The following NECTIN4 variants were observed in gnomAD, a reference collection of about 807,000 sequenced individuals.
NECTIN4 encodes nectin cell adhesion molecule 4, also known as nectin-4.
Under a neutral mutation model 51.7 loss-of-function variants are expected in NECTIN4, and 19 were observed. The observed-to-expected ratio is 0.37, with a 90% CI of 0.26 to 0.54. NECTIN4 has a LOEUF of 0.54. Among genes scored for constraint, NECTIN4 ranks in the 20% least tolerant of loss-of-function variants. The pLI is 0.86. For synonymous variants in NECTIN4, 283 were observed against 286.9 expected (o/e 0.99, Z 0.14); for missense variants, 619 against 662.4 (o/e 0.93, Z 0.72).
chr1:161,079,507 GC>G, intron 2 of NECTIN4, 82 bp downstream of exon 2: 1 of 1,547,044 alleles, frequency 6.5e-7, no homozygotes. Context: ...TTCTACCTCT[GC>G]CCCATCCATC....
intron 3 of NECTIN4, 35 bp downstream of exon 3, chr1:161,077,418 C>G: frequency 1.2e-6 from 2 of 1,613,388 alleles, no homozygotes; most frequent in Non-Finnish European, 1.7e-6. Context: ...CTGAGAACCC[C>G]TTGGGCCTCC....
At chr1:161,083,153 C>T (rs539162386) in intron 1 of NECTIN4, among the ~76,000 whole-genome samples, 1 of 152,288 alleles carries the variant, frequency 6.6e-6, no homozygotes, top group South Asian at 2.1e-4. Context: ...GACCGAGGAA[C>T]CCAGTAAAAC....
Position 161,072,695 on chromosome 1 carries a change from C to T in NECTIN4, c.1499G>A (p.Gly500Asp). 2.5e-6 allele frequency: 4 copies of T among 1,614,216 alleles called. No homozygotes were observed. The highest frequency in any genetic ancestry group is 3.4e-6 in the Non-Finnish European group (4 of 1,180,028). Reference protein sequence around the residue: ...GTLRAKPTGNGIYINGRGHLV With the variant: ...GTLRAKPTGNDIYINGRGHLV ...GTGTCCCCGCCCATTGATGTAGATG[C>T]CATTGCCCGTGGGCTTGGCCCGTAG... Residue 500 changes from glycine to aspartate, a missense_variant, in exon 9 of 9, where the codon GGC becomes GAC. Around this residue, in one of 3 missense-constraint regions of NECTIN4, gnomAD observed 364 missense variants for 415.7 expected, o/e 0.88. Coordinates refer to ENST00000368012, the MANE Select transcript of NECTIN4 (RefSeq NM_030916.3).
At position 161,072,693 on chromosome 1, in the gene NECTIN4, T is replaced by A. The variant is rs577001042; in HGVS notation, c.1501A>T (p.Ile501Phe). The change falls in exon 9 of 9, where the codon ATC becomes TTC. Residue 501 changes from isoleucine (I) to phenylalanine (F), a missense_variant. This residue lies in a region of NECTIN4 where 364 missense variants were observed against 415.7 expected (regional missense o/e 0.88). Transcript: ENST00000368012. ...AGGTGTCCCCGCCCATTGATGTAGA[T>A]GCCATTGCCCGTGGGCTTGGCCCGT... The part of the protein sequence containing the change: ...TLRAKPTGNG[I>F]YINGRGHLV The A allele has an allele frequency of 6.2e-7, 1 of 1,614,214 alleles. No individual in the cohort carries two copies. Among genetic ancestry groups the A allele is most frequent in the Non-Finnish European group, 8.5e-7 (1 of 1,180,028 alleles).
Position 161,089,297 on chromosome 1 carries a change from G to T in NECTIN4, c.-1C>A. 1 of 1,609,102 alleles carries T rather than the reference G, an allele frequency of 6.2e-7. No individual in the cohort carries two copies. On this transcript the variant is annotated 5_prime_UTR_variant, in exon 1 of 9. Coordinates refer to ENST00000368012, the MANE Select transcript of NECTIN4 (RefSeq NM_030916.3). This position sits in a 1 kb window ranked among gnomAD's most constrained non-coding sequence, Gnocchi z 4.1. ...TCTCGGCTCCCAGGGACAGGGGCAT[G>T]GTTGAAAGGCAGACTGCCCAGCGTT...
chr1:161,089,412 C>T lies in NECTIN4; in HGVS notation c.-116G>A. The stretch of plus-strand genomic sequence containing the variant: ...AGGCAGGAAGCTGCAGAGTTCTTGC[C>T]TCTCGCACTTGGGTCTCCACTAGGG... On this transcript the variant is annotated 5_prime_UTR_variant, in exon 1 of 9. Transcript: ENST00000368012. The surrounding 1 kb of genome is among the most constrained non-coding windows in gnomAD (Gnocchi z 4.1). The T allele has an allele frequency of 2.0e-6, 2 of 979,982 alleles. No individual in the cohort carries two copies. Among genetic ancestry groups the T allele is most frequent in the South Asian group, 1.3e-5 (1 of 74,388 alleles). 60.7% of individuals were successfully genotyped at this position (979,982 alleles called of 1,614,324 possible). A position where few individuals can be genotyped will look rare whatever the true frequency, so the allele number is the denominator to read the frequency against.
At position 161,073,704 on chromosome 1, in the gene NECTIN4, CA is replaced by C. The variant is rs750874860; in HGVS notation, c.1233+15del. The C allele has an allele frequency of 3.1e-6, 5 of 1,612,422 alleles. No individual in the cohort carries two copies. In the South Asian group the frequency reaches 5.5e-5, roughly 18 times the overall value. On this transcript the variant is annotated intron_variant, in intron 7 of 8. Transcript: ENST00000368012. ...GACCACACCCCTGCATGCATACACC[CA>C]ACCTTGGCACACACCTGGCTCCTGG...
chr1:161,074,412 A>G, intron 5 of NECTIN4, 39 bp from the exon 6 acceptor site: 1 of 1,613,950 alleles, frequency 6.2e-7, no homozygotes, highest in South Asian at 1.1e-5. Context: ...GGAAGCCTGC[A>G]GCCACAACCC....
rs1018177426 is a variant in NECTIN4, at chr1:161,088,899, G to T, written c.79+319C>A. On this transcript the variant is annotated intron_variant, in intron 1 of 8. Coordinates refer to ENST00000368012, the MANE Select transcript of NECTIN4 (RefSeq NM_030916.3). ...AACAGGATCCTCACAAGTCCCACCT[G>T]CCTGCCCATCTACACTGGGTCACCA... 4.5e-4 allele frequency among the ~76,000 whole-genome samples: 68 copies of T among 151,234 alleles called. 1 individual carries two copies. The highest frequency in any genetic ancestry group is 1.6e-3 in the African/African-American group (65 of 41,090).
chr1:161,077,642 CGCTGGGGGCTGGGCTGCCCTCA>C lies in NECTIN4; in HGVS notation c.519_540del (p.Glu174Ter). 2 of 1,613,664 alleles carry C rather than the reference CGCTGGGGGCTGGGCTGCCCTCA, an allele frequency of 1.2e-6. No homozygotes were observed. Among genetic ancestry groups the C allele is most frequent in the Non-Finnish European group, 1.7e-6 (2 of 1,180,024 alleles). ...CCTTTGACCTCCGTGTCCCAGGTCACGCTGGGGGCTGGGCTGCCCTCAGCTGTGCAGGAGGCTGCCAGGGTCA... is the reference window on the plus strand; with the variant it reads ...CCTTTGACCTCCGTGTCCCAGGTCACGCTGTGCAGGAGGCTGCCAGGGTCA... On this transcript the variant is annotated frameshift_variant, in exon 3 of 9. Transcript: ENST00000368012. LOFTEE classifies it high-confidence loss of function.
intron 3 of NECTIN4, among the ~76,000 whole-genome samples, chr1:161,076,911 C>T (rs1028221007): frequency 1.3e-5 from 2 of 152,252 alleles, no homozygotes; most frequent in Non-Finnish European, 2.9e-5. Flanking sequence ...GTCTTATCCC[C>T]TCCAGAGGCT....
Position 161,079,693 on chromosome 1 carries a change from C to A in NECTIN4, c.336G>T (p.Val112=). The A allele has an allele frequency of 6.2e-7, 1 of 1,608,120 alleles. No homozygotes were observed. The change falls in exon 2 of 9, where the codon GTG becomes GTT. Residue 112 remains valine, a synonymous_variant. Coordinates refer to ENST00000368012, the MANE Select transcript of NECTIN4 (RefSeq NM_030916.3). ...CCGCCTGCACTGCGTTGCGCAGGAG[C>A]ACTGAGCCGTCCAGGGGGTTGCGTG... ...PPPRNPLDGS[V]LLRNAVQADE...
At chr1:161,085,601 G>C (rs986008770) in intron 1 of NECTIN4, among the ~76,000 whole-genome samples, 1 of 152,052 alleles carries the variant, frequency 6.6e-6, no homozygotes, top group Non-Finnish European at 1.5e-5. Context: ...GCCAGAGGCT[G>C]CCTGTTCCAG....
intron 1 of NECTIN4, among the ~76,000 whole-genome samples, chr1:161,082,400 G>C (rs1213987753): frequency 1.3e-5 from 2 of 152,120 alleles, no homozygotes; most frequent in Non-Finnish European, 2.9e-5. Context: ...GTAACCTTGG[G>C]GTGGAGGCAG....
intron 8 of NECTIN4, 116 bp downstream of exon 8, chr1:161,073,109 T>C: frequency 3.1e-6 from 3 of 979,618 alleles, no homozygotes; most frequent in Non-Finnish European, 4.9e-6. Flanking sequence ...CTGGGCTGCA[T>C]GAGCCAGGGC....
intron 4 of NECTIN4, among the ~76,000 whole-genome samples, chr1:161,075,998 C>T (rs550802987): frequency 1.3e-5 from 2 of 152,132 alleles, no homozygotes; most frequent in African/African-American, 4.8e-5. Context: ...ACTGCTTGAA[C>T]CCAGGAGGCG....
intron 1 of NECTIN4, among the ~76,000 whole-genome samples, chr1:161,087,984 C>T (rs1187904572): frequency 1.3e-5 from 2 of 152,114 alleles, no homozygotes; most frequent in African/African-American, 2.4e-5. Flanking sequence ...TAGGCTCCAC[C>T]TTTTTGGCCT....
rs1178774638 is a variant in NECTIN4 at position 161,089,214 on chromosome 1, C to CT, written c.79+3dup. 1 of 1,613,262 alleles carries CT rather than the reference C, an allele frequency of 6.2e-7. No homozygotes were observed. Among genetic ancestry groups the CT allele is most frequent in the African/African-American group, 1.3e-5 (1 of 75,014 alleles). ...AGTGTCCTGATGGTTCAGGCAAGTC[C>CT]TACCTGTAAATGATGCCAGCAGTAG... On this transcript the variant is annotated splice_donor_region_variant and intron_variant, in intron 1 of 8. Transcript: ENST00000368012. The surrounding 1 kb of genome is among the most constrained non-coding windows in gnomAD (Gnocchi z 4.1).
Position 161,089,550 on chromosome 1 carries a change from A to G in NECTIN4, c.-254T>C. Reference sequence around the variant, plus strand: ...AGCTGCTTCCCACGCTGTGGCCAACAACGACGGCAGAAACCTGGGAACCTG... The same window carrying G: ...AGCTGCTTCCCACGCTGTGGCCAACGACGACGGCAGAAACCTGGGAACCTG... On this transcript the variant is annotated 5_prime_UTR_variant, in exon 1 of 9. Transcript: ENST00000368012. This position sits in a 1 kb window ranked among gnomAD's most constrained non-coding sequence, Gnocchi z 4.1. 3 of 539,798 alleles carry G rather than the reference A, an allele frequency of 5.6e-6. No individual in the cohort carries two copies. Among genetic ancestry groups the G allele is most frequent in the South Asian group, 2.0e-5 (1 of 49,594 alleles). 33.4% of individuals were successfully genotyped at this position (539,798 alleles called of 1,614,324 possible).
Sources: gnomAD v4.1 joint callset for allele counts (sites outside exome capture counted in the v4.1 genomes callset) on GRCh38, gnomAD v4.1.1 for gene constraint, gnomAD v4.1.1 regional missense constraint, Gnocchi (gnomAD v3.1) non-coding constraint, MANE v1.5 for transcripts, NCBI Gene and HGNC (gene_info 2026-07-23, HGNC 2026-07-21) for gene names.